The following NLGN4X variants were observed in gnomAD, a reference collection of about 807,000 sequenced individuals.
NLGN4X encodes neuroligin 4 X-linked.
In NLGN4X, 3 loss-of-function variants were observed where a neutral mutation model predicts 40.3. The ratio of observed to expected loss-of-function variants is 0.07; its 90% CI spans 0.03 to 0.19. The LOEUF (loss-of-function observed/expected upper bound fraction) is 0.19. Among genes scored for constraint, NLGN4X ranks in the 10% least tolerant of loss-of-function variants. NLGN4X has a pLI of 1.00. For missense variants in NLGN4X, 382 were observed against 708.3 expected (o/e 0.54, Z 5.23); for synonymous variants, 270 against 306.8 (o/e 0.88, Z 1.25).
intron 2 of NLGN4X, among the ~76,000 whole-genome samples, chrX:6,036,004 G>C (rs2036993143): frequency 9.0e-6 from 1 of 111,422 alleles, no homozygotes; most frequent in Non-Finnish European, 1.9e-5. Context: ...TTAAGTGTTG[G>C]GGGGGTAAAA....
At chrX:6,074,402 C>T (rs2038143131) in intron 2 of NLGN4X, among the ~76,000 whole-genome samples, 1 of 111,468 alleles carries the variant, frequency 9.0e-6, no homozygotes, top group Non-Finnish European at 1.9e-5. Flanking sequence ...TAGGTTCTTT[C>T]AGGTCTTTAT....
At chrX:6,160,084 T>C (rs1365796597) in intron 1 of NLGN4X, among the ~76,000 whole-genome samples, 3 of 111,415 alleles carry the variant, frequency 2.7e-5, no homozygotes, top group Non-Finnish European at 5.6e-5. Context: ...TAGTATTTGA[T>C]AGCACAACAG....
At chrX:6,022,411 A>G (rs1373571248) in intron 3 of NLGN4X, among the ~76,000 whole-genome samples, 9 of 112,659 alleles carry the variant, frequency 8.0e-5, no homozygotes, top group African/African-American at 2.9e-4. Flanking sequence ...AGCATTAAAG[A>G]AAAGAAATAT....
intron 3 of NLGN4X, among the ~76,000 whole-genome samples, chrX:5,964,292 T>G (rs1012404525): frequency 6.3e-5 from 7 of 111,848 alleles, no homozygotes; most frequent in African/African-American, 2.3e-4. Flanking sequence ...CATAGATAAT[T>G]AAAATACAAT....
chrX:5,900,560 C>CTTTTTTTT lies in NLGN4X; in HGVS notation c.1601+2509_1601+2516dup, dbSNP rs1163973694. On this transcript the variant is annotated intron_variant, in intron 5 of 5. Transcript: ENST00000381095. ...GTTATAAGACACACCGTTTTTGGTG[C>CTTTTTTTT]TTTTTTTTTTTTTTTTTTTTTTTTT... 6.6e-5 allele frequency among the ~76,000 whole-genome samples: 3 copies of CTTTTTTTT among 45,596 alleles called. 1 individual carries two copies. The highest frequency in any genetic ancestry group is 7.7e-5 in the Non-Finnish European group (2 of 26,100). The allele number at this position is 45,596 out of a possible 115,157, so 39.6% of individuals were successfully genotyped here.
chrX:5,910,019 G>A (rs892421059), intron 3 of NLGN4X, among the ~76,000 whole-genome samples: 3 of 111,739 alleles, frequency 2.7e-5, no homozygotes, highest in Non-Finnish European at 5.6e-5. Flanking sequence ...CAAGGCATAC[G>A]ATTCTTAATT....
chrX:6,117,419 C>A (rs1487109115), intron 2 of NLGN4X, among the ~76,000 whole-genome samples: 1 of 110,553 alleles, frequency 9.0e-6, no homozygotes, highest in Non-Finnish European at 1.9e-5. Context: ...CAAACACTCT[C>A]AATCCATCTC....
chrX:6,005,486 C>T (rs971882104), intron 3 of NLGN4X, among the ~76,000 whole-genome samples: 4 of 111,186 alleles, frequency 3.6e-5, no homozygotes, highest in Non-Finnish European at 7.5e-5. Flanking sequence ...CATCAACACA[C>T]AGCCCTGGGT....
rs1018354711 is a variant in NLGN4X, at chrX:5,891,886, C to G, written c.*931G>C. On this transcript the variant is annotated 3_prime_UTR_variant, in exon 6 of 6. Coordinates refer to ENST00000381095, the MANE Select transcript of NLGN4X (RefSeq NM_181332.3). ...GCAACCTGACGGGGGAAATAGGCCACACAGACCGTCTGGGTCTTCTGTGGG... is the reference window on the plus strand; with the variant it reads ...GCAACCTGACGGGGGAAATAGGCCAGACAGACCGTCTGGGTCTTCTGTGGG... 1.5e-5 allele frequency: 2 copies of G among 132,429 alleles called. No individual in the cohort carries two copies. The highest frequency in any genetic ancestry group is 3.0e-5 in the Non-Finnish European group (2 of 67,391). The allele number at this position is 132,429 out of a possible 1,213,427, so 10.9% of individuals were successfully genotyped here.
chrX:6,111,019 C>T (rs112588995), intron 2 of NLGN4X, among the ~76,000 whole-genome samples: 11,292 of 111,021 alleles, frequency 0.1, 541 homozygotes, highest in Admixed American at 0.15. Context: ...TAACCCTAAC[C>T]CGAACCCTAA....
chrX:6,153,708 G>A lies in NLGN4X; in HGVS notation c.-305-1937C>T, dbSNP rs2040207649. Among the ~76,000 whole-genome samples the A allele has an allele frequency of 2.7e-5, 3 of 112,282 alleles. No homozygotes were observed. The Admixed American group carries it at 2.8e-4, about 11-fold the overall frequency. On this transcript the variant is annotated intron_variant, in intron 1 of 5. Transcript: ENST00000381095. ...GTGGACTTCTTCCAAGGTATATAAA[G>A]TTAGTTCCATAAGGAATTCCAGCCC...
rs774766574 is a variant in NLGN4X at position 5,947,063 on chromosome X, C to A, written c.626-37824G>T. On this transcript the variant is annotated intron_variant, in intron 3 of 5. Coordinates refer to ENST00000381095, the MANE Select transcript of NLGN4X (RefSeq NM_181332.3). ...CCATTCTGTATATGTACCACATTTT[C>A]TTTATCCAGTCTACCACTGAGGGAC... 1.7e-4 allele frequency among the ~76,000 whole-genome samples: 19 copies of A among 112,013 alleles called. No homozygotes were observed. The South Asian group carries it at 4.1e-3, about 24-fold the overall frequency.
intron 2 of NLGN4X, among the ~76,000 whole-genome samples, chrX:6,067,108 C>CCG (rs199548872): frequency 1.8e-5 from 2 of 108,456 alleles, no homozygotes; most frequent in Non-Finnish European, 3.8e-5. Flanking sequence ...GATACAGTCC[C>CCG]CCCCCCAAAA....
At chrX:6,193,499 A>AG (rs1922771340) in intron 1 of NLGN4X, among the ~76,000 whole-genome samples, 1 of 110,628 alleles carries the variant, frequency 9.0e-6, no homozygotes, top group Admixed American at 9.6e-5. Flanking sequence ...ATTTAAAAAA[A>AG]AAAAGAAAAA....
intron 3 of NLGN4X, among the ~76,000 whole-genome samples, chrX:5,975,490 G>C (rs1188101903): frequency 9.2e-6 from 1 of 108,959 alleles, no homozygotes; most frequent in East Asian, 2.9e-4. Flanking sequence ...GTGGGTGCCT[G>C]TAATCCCAGC....
chrX:6,137,230 G>A (rs2039839464), intron 2 of NLGN4X, among the ~76,000 whole-genome samples: 1 of 111,576 alleles, frequency 9.0e-6, no homozygotes, highest in Admixed American at 9.5e-5. Context: ...TCACTTCAAC[G>A]TTTGCTTCCA....
At chrX:6,103,806 A>G (rs1461521666) in intron 2 of NLGN4X, among the ~76,000 whole-genome samples, 2 of 112,375 alleles carry the variant, frequency 1.8e-5, no homozygotes, top group Non-Finnish European at 3.8e-5. Flanking sequence ...ATTTTAAAAC[A>G]TTAATAGTCA....
chrX:5,900,879 A>G (rs966340946), intron 5 of NLGN4X, among the ~76,000 whole-genome samples: 2 of 111,230 alleles, frequency 1.8e-5, no homozygotes, highest in African/African-American at 6.5e-5. Flanking sequence ...TGCGCCCAGC[A>G]TAGCCATACA....
chrX:6,053,589 C>T (rs1023664420), intron 2 of NLGN4X, among the ~76,000 whole-genome samples: 3 of 111,436 alleles, frequency 2.7e-5, no homozygotes, highest in African/African-American at 9.8e-5. Context: ...TATGACTATG[C>T]ATTTCCATCC....
Sources: gnomAD v4.1 joint callset for allele counts (sites outside exome capture counted in the v4.1 genomes callset) on GRCh38, gnomAD v4.1.1 for gene constraint, MANE v1.5 for transcripts, NCBI Gene and HGNC (gene_info 2026-07-23, HGNC 2026-07-21) for gene names.